Variants in NEGR1 observed in about 807,000 individuals in gnomAD.
The protein encoded by NEGR1 is neuronal growth regulator 1, also known as IgLON family member 4.
NEGR1 carries 10 observed loss-of-function variants against 40.9 expected under a neutral mutation model. The observed-to-expected ratio is 0.24, with a 90% CI of 0.15 to 0.42. The LOEUF (loss-of-function observed/expected upper bound fraction) is 0.42, where lower values mean the gene tolerates loss of function less well. NEGR1 is among the 10% of genes least tolerant of loss of function. The probability of loss-of-function intolerance (pLI) is 1.00; values close to 1 mark genes in which losing one functional copy is unlikely to be tolerated. For missense variants in NEGR1, 352 were observed against 438.9 expected (o/e 0.80, Z 1.77); for synonymous variants, 185 against 166.8 (o/e 1.11, Z -0.84).
intron 2 of NEGR1, among the ~76,000 whole-genome samples, chr1:71,837,831 A>G (rs1317594582): frequency 6.6e-6 from 1 of 152,124 alleles, no homozygotes; most frequent in Non-Finnish European, 1.5e-5. Flanking sequence ...TACTCACCTA[A>G]TTAGAACAAA....
intron 6 of NEGR1, among the ~76,000 whole-genome samples, chr1:71,552,031 C>G (rs1052171923): frequency 6.6e-6 from 1 of 151,500 alleles, no homozygotes; most frequent in Non-Finnish European, 1.5e-5. Context: ...CTCCTAAGCC[C>G]TATAGGCCTC....
At chr1:71,969,103 C>T (rs1646235274) in intron 1 of NEGR1, among the ~76,000 whole-genome samples, 1 of 152,054 alleles carries the variant, frequency 6.6e-6, no homozygotes, top group South Asian at 2.1e-4. Context: ...CAACCTCTAC[C>T]TCCCAGGTTC....
intron 2 of NEGR1, among the ~76,000 whole-genome samples, chr1:71,925,089 T>C (rs1407737114): frequency 6.6e-6 from 1 of 152,038 alleles, no homozygotes; most frequent in African/African-American, 2.4e-5. Context: ...AAAAATAAAA[T>C]AAAATAAAAT....
intron 1 of NEGR1, among the ~76,000 whole-genome samples, chr1:72,231,276 T>C (rs548067496): frequency 3.2e-4 from 48 of 152,290 alleles, no homozygotes; most frequent in South Asian, 1.9e-3. Context: ...TGTGAAATGA[T>C]TTTTCCTCCT....
chr1:71,885,440 TTTTG>T (rs920347479), intron 2 of NEGR1, among the ~76,000 whole-genome samples: 12 of 152,326 alleles, frequency 7.9e-5, no homozygotes, highest in East Asian at 1.9e-4. Flanking sequence ...TTGTTTAGTT[TTTTG>T]TTTGTTTGTT....
intron 2 of NEGR1, among the ~76,000 whole-genome samples, chr1:71,901,763 C>T (rs1342176287): frequency 4.6e-5 from 7 of 150,636 alleles, no homozygotes; most frequent in Admixed American, 2.0e-4. Flanking sequence ...CTCTGCCTCC[C>T]GGGTTCAAGC....
intron 1 of NEGR1, among the ~76,000 whole-genome samples, chr1:72,008,227 G>A (rs1646625428): frequency 6.6e-6 from 1 of 151,966 alleles, no homozygotes; most frequent in Non-Finnish European, 1.5e-5. Flanking sequence ...ATGTGACCAA[G>A]GTCACATAGT....
chr1:71,989,421 A>AC (rs1434483086), intron 1 of NEGR1, among the ~76,000 whole-genome samples: 2 of 152,216 alleles, frequency 1.3e-5, no homozygotes, highest in Non-Finnish European at 2.9e-5. Context: ...ATATGATAAA[A>AC]ATTAATGAGC....
intron 1 of NEGR1, among the ~76,000 whole-genome samples, chr1:72,204,944 C>A (rs984820562): frequency 2.6e-5 from 4 of 151,896 alleles, no homozygotes. Context: ...GGGCACACAA[C>A]AATGCTTAAA....
chr1:71,559,045 ACACATATATATTCATGTG>A (rs1648356767), intron 6 of NEGR1, among the ~76,000 whole-genome samples: 1 of 60,068 alleles, frequency 1.7e-5, no homozygotes, highest in Non-Finnish European at 3.4e-5. Context: ...ATATATATAT[ACACATATATATTCATGTG>A]TATGCATATA....
At chr1:71,452,687 A>G (rs1241234155) in intron 6 of NEGR1, among the ~76,000 whole-genome samples, 1 of 152,156 alleles carries the variant, frequency 6.6e-6, no homozygotes, top group African/African-American at 2.4e-5. Flanking sequence ...CCAAATACCT[A>G]TGAAATTGTG....
chr1:71,899,313 CAGGGTATGGAGGA>C (rs970225749), intron 2 of NEGR1, among the ~76,000 whole-genome samples: 1 of 151,646 alleles, frequency 6.6e-6, no homozygotes, highest in Admixed American at 6.6e-5. Flanking sequence ...CTCTGAATTT[CAGGGTATGGAGGA>C]AGGGTATGGA....
intron 2 of NEGR1, among the ~76,000 whole-genome samples, chr1:71,870,115 G>T (rs556707772): frequency 7.2e-5 from 11 of 151,966 alleles, no homozygotes; most frequent in African/African-American, 2.4e-4. Flanking sequence ...CCTGACCTCA[G>T]GTGATCTGCC....
chr1:71,720,433 C>T (rs1315810507), intron 3 of NEGR1, among the ~76,000 whole-genome samples: 1 of 152,186 alleles, frequency 6.6e-6, no homozygotes, highest in Admixed American at 6.5e-5. Context: ...CTATCAAATA[C>T]ATCCACTGAT....
intron 4 of NEGR1, among the ~76,000 whole-genome samples, chr1:71,636,052 C>G (rs1651137692): frequency 6.6e-6 from 1 of 151,978 alleles, no homozygotes; most frequent in Non-Finnish European, 1.5e-5. Flanking sequence ...ATATAATTAT[C>G]TATACTATAT....
At chr1:71,477,871 C>A (rs766663877) in intron 6 of NEGR1, among the ~76,000 whole-genome samples, 1 of 150,110 alleles carries the variant, frequency 6.7e-6, no homozygotes. Flanking sequence ...AATAGTCAGA[C>A]AACAATGCTT....
At chr1:71,753,057 T>C (rs1655622562) in intron 3 of NEGR1, among the ~76,000 whole-genome samples, 1 of 152,146 alleles carries the variant, frequency 6.6e-6, no homozygotes, top group Non-Finnish European at 1.5e-5. Flanking sequence ...GAATTACGAC[T>C]CAGATACTAG....
chr1:71,913,044 A>G (rs894695125), intron 2 of NEGR1, among the ~76,000 whole-genome samples: 1 of 152,110 alleles, frequency 6.6e-6, no homozygotes, highest in African/African-American at 2.4e-5. Context: ...TCCACAATAT[A>G]TCCTAAATTC....
At chr1:71,761,648 G>T (rs893775814) in intron 3 of NEGR1, among the ~76,000 whole-genome samples, 6 of 151,888 alleles carry the variant, frequency 4.0e-5, no homozygotes, top group East Asian at 1.9e-4. Flanking sequence ...CCCTTTTAAG[G>T]CTCCCTCAAT....
Sources: allele counts gnomAD v4.1 joint callset (sites outside exome capture counted in the v4.1 genomes callset), GRCh38; gene constraint gnomAD v4.1.1; transcripts MANE v1.5; gene names NCBI Gene and HGNC (gene_info 2026-07-23, HGNC 2026-07-21).